MAGEA11: variants seen among roughly 807,000 people sequenced by gnomAD.
MAGEA11 encodes melanoma-associated antigen 11.
Under a neutral mutation model 8.4 loss-of-function variants are expected in MAGEA11, and 1 was observed. The ratio of observed to expected loss-of-function variants is 0.12; its 90% CI spans 0.04 to 0.57. The LOEUF (loss-of-function observed/expected upper bound fraction) is 0.57, where lower values mean the gene tolerates loss of function less well. MAGEA11 is among the 20% of genes least tolerant of loss of function. MAGEA11 has a pLI of 0.91. For missense variants in MAGEA11, 209 were observed against 317.3 expected (o/e 0.66, Z 2.59); for synonymous variants, 127 against 119.3 (o/e 1.06, Z -0.42).
At chrX:149,708,047 A>C (rs1557361619), upstream of MAGEA11, among the ~76,000 whole-genome samples, 2 of 111,984 alleles carry the variant, frequency 1.8e-5, no homozygotes. Flanking sequence ...GTTGGGGAAT[A>C]TTTTCTTCCA....
At chrX:149,695,201 A>C (rs782526625) in intron 1 of MAGEA11, among the ~76,000 whole-genome samples, 2 of 111,677 alleles carry the variant, frequency 1.8e-5, no homozygotes, top group African/African-American at 3.2e-5. Context: ...TTTCTCTTGA[A>C]ATTGTCTCAT....
chrX:149,700,458 G>T (rs886357350), intron 1 of MAGEA11, among the ~76,000 whole-genome samples: 3 of 109,714 alleles, frequency 2.7e-5, no homozygotes, highest in Non-Finnish European at 3.8e-5. Context: ...TTTTTCTTTT[G>T]CCCGTTGGTT....
At chrX:149,688,449 G>A (rs1203384018), upstream of MAGEA11, among the ~76,000 whole-genome samples, 4 of 111,572 alleles carry the variant, frequency 3.6e-5, no homozygotes, top group African/African-American at 9.8e-5. Context: ...TCCTTCTGAG[G>A]CCTAAAGCAC....
At position 149,716,023 on chromosome X, in the gene MAGEA11, C is replaced by T; in HGVS notation, c.537C>T (p.Ser179=). The T allele has an allele frequency of 1.7e-6, 2 of 1,211,871 alleles. No individual in the cohort carries two copies. Among genetic ancestry groups the T allele is most frequent in the Non-Finnish European group, 2.2e-6 (2 of 895,551 alleles). The change falls in exon 5 of 5, where the codon TCC becomes TCT. Residue 179 remains serine (S), a synonymous_variant. Coordinates refer to ENST00000355220, the MANE Select transcript of MAGEA11 (RefSeq NM_005366.5). ...CTCCCCAGAGTCCTCAGGAAGAGTC[C>T]TTCTCTCCCACTGCCATGGATGCCA... ...PSPPQSPQEE[S]FSPTAMDAIF...
Position 149,689,753 on chromosome X carries a change from T to C in MAGEA11, c.9+769T>C, listed in dbSNP as rs111221922. Reference sequence around the variant, plus strand: ...CTGAATCCCAATTTTGCTTCCTGGCTCTCCAGCCCTGCCAACAACTGATAG... The same window carrying C: ...CTGAATCCCAATTTTGCTTCCTGGCCCTCCAGCCCTGCCAACAACTGATAG... On this transcript the variant is annotated intron_variant, in intron 1 of 3. Coordinates refer to the MAGEA11 transcript ENST00000333104. 1.8e-3 allele frequency among the ~76,000 whole-genome samples: 201 copies of C among 112,605 alleles called. 1 individual carries two copies. Among genetic ancestry groups the C allele is most frequent in the African/African-American group, 6.1e-3 (190 of 31,010 alleles).
At chrX:149,701,442 G>A (rs1329097983) in intron 1 of MAGEA11, among the ~76,000 whole-genome samples, 3 of 110,233 alleles carry the variant, frequency 2.7e-5, no homozygotes, top group African/African-American at 9.9e-5. Flanking sequence ...ATTTGTTTAA[G>A]TTCATTGTAG....
intron 1 of MAGEA11, among the ~76,000 whole-genome samples, chrX:149,699,062 A>G (rs2090341372): frequency 9.0e-6 from 1 of 111,384 alleles, no homozygotes. Context: ...ATAGGCACTC[A>G]TTTTTCTATT....
intron 1 of MAGEA11, among the ~76,000 whole-genome samples, chrX:149,712,808 G>A (rs1200114303): frequency 8.9e-6 from 1 of 111,842 alleles, no homozygotes; most frequent in African/African-American, 3.2e-5. Context: ...CCAGGGCAGG[G>A]CTGGTTGGGG....
At chrX:149,704,736 C>G (rs1442592456) in intron 1 of MAGEA11, among the ~76,000 whole-genome samples, 1 of 112,259 alleles carries the variant, frequency 8.9e-6, no homozygotes, top group Non-Finnish European at 1.9e-5. Flanking sequence ...CCAGAGGCTG[C>G]TATTATGTCC....
At chrX:149,712,364 C>T (rs192901466) in intron 1 of MAGEA11, among the ~76,000 whole-genome samples, 301 of 112,091 alleles carry the variant, frequency 2.7e-3, no homozygotes, top group Non-Finnish European at 3.4e-3. Context: ...GGTGGGGCCC[C>T]GGCCTTTCCA....
chrX:149,713,665 T>C (rs1277458100), intron 2 of MAGEA11: 4 of 130,507 alleles, frequency 3.1e-5, no homozygotes, highest in African/African-American at 9.6e-5. Context: ...TCTGTCAGCC[T>C]TTGGCATCCC....
At position 149,717,056 on chromosome X, in the gene MAGEA11, G is replaced by T. The variant is rs1025905821; in HGVS notation, c.*280G>T. 16 of 267,949 alleles carry T rather than the reference G, an allele frequency of 6.0e-5. No homozygotes were observed. Among genetic ancestry groups the T allele is most frequent in the Non-Finnish European group, 1.0e-4 (16 of 152,729 alleles). The allele number at this position is 267,949 out of a possible 1,213,427, so 22.1% of individuals were successfully genotyped here. A position where few individuals can be genotyped will look rare whatever the true frequency, so the allele number is the denominator to read the frequency against. On this transcript the variant is annotated 3_prime_UTR_variant, in exon 5 of 5. Coordinates refer to ENST00000355220, the MANE Select transcript of MAGEA11 (RefSeq NM_005366.5). ...GTTCCTGTAATAAAAGTTTTAGTTA[G>T]CTTCAACATCTAAGTGTATGGATGA...
upstream of MAGEA11, among the ~76,000 whole-genome samples, chrX:149,708,297 T>G (rs2090385652): frequency 8.9e-6 from 1 of 111,923 alleles, no homozygotes; most frequent in Admixed American, 9.5e-5. Flanking sequence ...TTTTTGTATA[T>G]GATGAAAGGT....
intron 1 of MAGEA11, among the ~76,000 whole-genome samples, chrX:149,691,631 C>A (rs1439599755): frequency 8.9e-6 from 1 of 111,828 alleles, no homozygotes; most frequent in Non-Finnish European, 1.9e-5. Flanking sequence ...ATGTCCCATG[C>A]TTTATAAAGT....
At chrX:149,710,813 C>T (rs906600984), upstream of MAGEA11, among the ~76,000 whole-genome samples, 9 of 108,871 alleles carry the variant, frequency 8.3e-5, no homozygotes, top group Middle Eastern at 4.7e-3. Flanking sequence ...CAAAACAACC[C>T]GGGAAAACTA....
chrX:149,706,014 G>A (rs1298007099), intron 1 of MAGEA11, among the ~76,000 whole-genome samples: 1 of 112,133 alleles, frequency 8.9e-6, no homozygotes, highest in East Asian at 2.8e-4. Flanking sequence ...AAAGCAGTCT[G>A]CTCTGGAGTT....
At chrX:149,688,898 C>T (rs1056976653) in exon 1 of MAGEA11, 5 of 933,252 alleles carry the variant, frequency 5.4e-6, no homozygotes. Flanking sequence ...GTACACTGGA[C>T]CCCTTTCATA....
intron 1 of MAGEA11, among the ~76,000 whole-genome samples, chrX:149,702,250 C>T (rs2090357594): frequency 9.0e-6 from 1 of 111,065 alleles, no homozygotes; most frequent in African/African-American, 3.3e-5. Context: ...CTTGTTATAC[C>T]TTTATTGAAA....
chrX:149,697,094 C>T (rs1276538928), intron 1 of MAGEA11, among the ~76,000 whole-genome samples: 2 of 110,924 alleles, frequency 1.8e-5, no homozygotes, highest in African/African-American at 6.6e-5. Context: ...ACTCCTGGGA[C>T]CTCACTGTGT....
Sources: allele counts gnomAD v4.1 joint callset (sites outside exome capture counted in the v4.1 genomes callset), GRCh38; gene constraint gnomAD v4.1.1; transcripts MANE v1.5; gene names NCBI Gene and HGNC (gene_info 2026-07-23, HGNC 2026-07-21).